AUTS2: variants seen among roughly 807,000 people sequenced by gnomAD.
AUTS2 encodes the protein activator of transcription and developmental regulator AUTS2.
Under a neutral mutation model 112.4 loss-of-function variants are expected in AUTS2, and 17 were observed. The ratio of observed to expected loss-of-function variants is 0.15; its 90% CI spans 0.10 to 0.23. The LOEUF is 0.23. Among genes scored for constraint, AUTS2 ranks in the 10% least tolerant of loss-of-function variants. The pLI, the probability that AUTS2 is intolerant of heterozygous loss-of-function variation, is 1.00. For synonymous variants in AUTS2, 751 were observed against 702.7 expected (o/e 1.07, Z -1.09); for missense variants, 1,510 against 1,701.6 (o/e 0.89, Z 1.98).
At position 70,780,026 on chromosome 7, in the gene AUTS2, T is replaced by TA. The variant is rs60802237; in HGVS notation, c.2005-1574dup. On this transcript the variant is annotated intron_variant, in intron 14 of 18. Transcript: ENST00000342771. ...CGAGACCCTATCTATCTCATCTCTT[T>TA]AAAAAAAAAAAAAAAGAGTGAAAGT... Among the ~76,000 whole-genome samples the TA allele has an allele frequency of 7.7e-3, 1,054 of 137,006 alleles. 12 individuals are homozygous for TA. The highest frequency in any genetic ancestry group is 0.018 in the African/African-American group (679 of 37,284). The allele number at this position is 137,006 out of a possible 152,430, so 89.9% of individuals were successfully genotyped here. A position where few individuals can be genotyped will look rare whatever the true frequency, so the allele number is the denominator to read the frequency against.
Position 70,790,777 on chromosome 7 carries a change from G to A in AUTS2, c.3561G>A (p.Pro1187=), listed in dbSNP as rs148333633. 825 of 1,600,490 alleles carry A rather than the reference G, an allele frequency of 5.2e-4. 1 individual carries two copies. The highest frequency in any genetic ancestry group is 6.7e-4 in the Non-Finnish European group (782 of 1,172,422). The part of the protein sequence containing the change: ...GHLPHPSLIT[P]GLPSMHYPRI... ...TCCCCCACCCCAGCCTCATCACCCC[G>A]GGACTCCCCAGCATGCACTATCCCC... Residue 1187 remains proline (P), a synonymous_variant, in exon 19 of 19, where the codon CCG becomes CCA. Coordinates refer to ENST00000342771, the MANE Select transcript of AUTS2 (RefSeq NM_015570.4). The surrounding 1 kb of genome is among the most constrained non-coding windows in gnomAD (Gnocchi z 7.6).
At chr7:69,747,369 CA>C (rs1787539011) in intron 1 of AUTS2, among the ~76,000 whole-genome samples, 3 of 152,144 alleles carry the variant, frequency 2.0e-5, no homozygotes, top group Admixed American at 2.0e-4. Context: ...TTGGATATGG[CA>C]TATACAGTGA....
chr7:70,292,405 A>G (rs548607312), intron 4 of AUTS2: 2 of 152,344 alleles, frequency 1.3e-5, no homozygotes, highest in Non-Finnish European at 2.9e-5. Flanking sequence ...GATAGCCTCT[A>G]ATTATGTAAA....
chr7:69,934,037 A>G (rs1487749707), intron 2 of AUTS2, among the ~76,000 whole-genome samples: 2 of 152,318 alleles, frequency 1.3e-5, no homozygotes, highest in Admixed American at 1.3e-4. Context: ...GAGATTTATT[A>G]TTTTTATTGT....
At chr7:69,875,076 T>C (rs1407724289) in intron 1 of AUTS2, among the ~76,000 whole-genome samples, 1 of 152,054 alleles carries the variant, frequency 6.6e-6, no homozygotes, top group African/African-American at 2.4e-5. Context: ...AATTCCTCTG[T>C]GGATCCATTG....
chr7:70,672,959 C>T (rs1169649308), intron 5 of AUTS2, among the ~76,000 whole-genome samples: 1 of 152,170 alleles, frequency 6.6e-6, no homozygotes, highest in Non-Finnish European at 1.5e-5. Flanking sequence ...AACCCTACTA[C>T]AGCATTCATA....
intron 4 of AUTS2, among the ~76,000 whole-genome samples, chr7:70,352,380 C>T (rs553811583): frequency 5.6e-4 from 86 of 152,308 alleles, no homozygotes; most frequent in Non-Finnish European, 1.0e-3. Context: ...TTTTAATCTT[C>T]GGCTGCAATC....
intron 2 of AUTS2, among the ~76,000 whole-genome samples, chr7:69,924,399 T>G (rs1795925857): frequency 6.6e-6 from 1 of 152,132 alleles, no homozygotes; most frequent in Non-Finnish European, 1.5e-5. Context: ...TAGTTTTCTT[T>G]TGATCTATTT....
At chr7:70,563,084 G>C (rs1221910046) in intron 5 of AUTS2, among the ~76,000 whole-genome samples, 1 of 152,068 alleles carries the variant, frequency 6.6e-6, no homozygotes, top group East Asian at 1.9e-4. Flanking sequence ...ATCTAAAAGT[G>C]GAGCTATGTA....
At chr7:70,584,111 T>C (rs1312174609) in intron 5 of AUTS2, among the ~76,000 whole-genome samples, 1 of 152,236 alleles carries the variant, frequency 6.6e-6, no homozygotes. Flanking sequence ...CAGATAAGCT[T>C]GTTCATTAGG....
chr7:69,952,958 G>A (rs945242275), intron 2 of AUTS2, among the ~76,000 whole-genome samples: 1 of 152,146 alleles, frequency 6.6e-6, no homozygotes, highest in African/African-American at 2.4e-5. Context: ...GAGGATCACT[G>A]CATTAGATGA....
At chr7:70,354,299 G>A (rs913651032) in intron 4 of AUTS2, among the ~76,000 whole-genome samples, 3 of 152,334 alleles carry the variant, frequency 2.0e-5, no homozygotes, top group East Asian at 3.9e-4. Context: ...AGTACAGAGA[G>A]TAATGAGGAA....
intron 4 of AUTS2, among the ~76,000 whole-genome samples, chr7:70,392,866 T>A (rs527262660): frequency 5.5e-4 from 84 of 152,356 alleles, no homozygotes; most frequent in Non-Finnish European, 1.0e-3. Flanking sequence ...CTTCCTGTTT[T>A]CTAGTGGGAT....
chr7:70,251,423 T>C (rs1786591115), intron 4 of AUTS2, among the ~76,000 whole-genome samples: 1 of 152,160 alleles, frequency 6.6e-6, no homozygotes, highest in Non-Finnish European at 1.5e-5. Context: ...ACCTCTTCTC[T>C]AAATGTACTC....
intron 4 of AUTS2, among the ~76,000 whole-genome samples, chr7:70,212,126 T>C (rs759236453): frequency 1.6e-4 from 24 of 152,140 alleles, no homozygotes; most frequent in Admixed American, 3.9e-4. Context: ...TCCATGAAAA[T>C]AGAAGGACCT....
At chr7:70,785,129 C>A in intron 16 of AUTS2, 110 bp downstream of exon 16, 1 of 1,101,750 alleles carries the variant, frequency 9.1e-7, no homozygotes, top group Non-Finnish European at 1.4e-6. Flanking sequence ...CCCAGATACC[C>A]TGCTTACCAT....
intron 5 of AUTS2, among the ~76,000 whole-genome samples, chr7:70,616,148 T>G (rs1804353930): frequency 6.6e-6 from 1 of 152,250 alleles, no homozygotes. Flanking sequence ...AGATTTTCCC[T>G]ATTCTGTTAG....
chr7:70,587,408 G>A (rs1343853278), intron 5 of AUTS2, among the ~76,000 whole-genome samples: 1 of 152,210 alleles, frequency 6.6e-6, no homozygotes, highest in Non-Finnish European at 1.5e-5. Flanking sequence ...AAATGAGACA[G>A]AAAGAGTTTG....
chr7:69,771,423 C>T (rs1258074296), intron 1 of AUTS2, among the ~76,000 whole-genome samples: 2 of 152,102 alleles, frequency 1.3e-5, no homozygotes, highest in African/African-American at 4.8e-5. Context: ...CACGGGGGTA[C>T]AGAAGTGAAT....
Sources: allele counts gnomAD v4.1 joint callset (sites outside exome capture counted in the v4.1 genomes callset), GRCh38; gene constraint gnomAD v4.1.1; non-coding constraint Gnocchi (gnomAD v3.1); transcripts MANE v1.5; gene names NCBI Gene and HGNC (gene_info 2026-07-23, HGNC 2026-07-21).